Variants in SOX6 observed in about 807,000 individuals in gnomAD.
SOX6 encodes the protein SRY-box transcription factor 6.
In SOX6, 11 loss-of-function variants were observed where a neutral mutation model predicts 97.8. The observed-to-expected ratio is 0.11, with a 90% CI of 0.07 to 0.19. SOX6 has a LOEUF of 0.19. Among genes scored for constraint, SOX6 ranks in the 10% least tolerant of loss-of-function variants. SOX6 has a pLI of 1.00. For missense variants in SOX6, 810 were observed against 1,039.5 expected (o/e 0.78, Z 3.04); for synonymous variants, 360 against 371.4 (o/e 0.97, Z 0.35).
chr11:16,015,444 G>A (rs1854855993), intron 12 of SOX6: 1 of 206,946 alleles, frequency 4.8e-6, no homozygotes, highest in South Asian at 8.4e-5. Context: ...TTCTCATTTA[G>A]AGATCATAGT....
At chr11:16,704,699 T>C (rs1848118903) in intron 3 of SOX6, among the ~76,000 whole-genome samples, 1 of 152,214 alleles carries the variant, frequency 6.6e-6, no homozygotes, top group African/African-American at 2.4e-5. Context: ...TTCAATTTTA[T>C]AAAATAATTA....
intron 4 of SOX6, among the ~76,000 whole-genome samples, chr11:16,547,331 A>T (rs1049622282): frequency 1.3e-5 from 2 of 152,184 alleles, no homozygotes; most frequent in East Asian, 1.9e-4. Context: ...CTGCAGCACT[A>T]TTCACAATTG....
intron 6 of SOX6, among the ~76,000 whole-genome samples, chr11:16,177,748 A>G (rs988313018): frequency 3.3e-5 from 5 of 151,798 alleles, no homozygotes; most frequent in Non-Finnish European, 7.4e-5. Flanking sequence ...TCAAGGAAAA[A>G]AAAAATAGAA....
At chr11:16,422,886 C>T (rs187813013) in intron 1 of SOX6, among the ~76,000 whole-genome samples, 185 of 152,288 alleles carry the variant, frequency 1.2e-3, no homozygotes, top group Non-Finnish European at 2.2e-3. Flanking sequence ...TCCAAGCCAT[C>T]ATCATCTCTC....
chr11:16,713,056 T>C (rs180853668), intron 3 of SOX6, among the ~76,000 whole-genome samples: 11 of 152,318 alleles, frequency 7.2e-5, no homozygotes, highest in African/African-American at 2.2e-4. Flanking sequence ...ACAAGTGATT[T>C]GCCCAAGGTG....
intron 3 of SOX6, among the ~76,000 whole-genome samples, chr11:16,651,602 T>C (rs1021723630): frequency 3.9e-5 from 6 of 152,050 alleles, no homozygotes; most frequent in African/African-American, 7.2e-5. Context: ...CTCAGCAAAA[T>C]TGGCATAGAA....
intron 9 of SOX6, among the ~76,000 whole-genome samples, chr11:16,057,863 G>C (rs765164756): frequency 3.3e-5 from 5 of 152,002 alleles, no homozygotes; most frequent in Non-Finnish European, 7.4e-5. Context: ...ACACTATTTT[G>C]CTTCCTGATA....
intron 4 of SOX6, among the ~76,000 whole-genome samples, chr11:16,565,584 T>A: frequency 6.6e-6 from 1 of 151,750 alleles, no homozygotes; most frequent in African/African-American, 2.4e-5. Flanking sequence ...CATAACACAC[T>A]CTCTTCTTGA....
chr11:16,687,578 C>G (rs1394712142), intron 3 of SOX6, among the ~76,000 whole-genome samples: 1 of 152,204 alleles, frequency 6.6e-6, no homozygotes, highest in Non-Finnish European at 1.5e-5. Flanking sequence ...TGCCACTATG[C>G]CCGGCCTGAA....
rs564580802 is a variant in SOX6, at chr11:15,967,049, T to A, written c.*5760A>T. ...TTTACACTGGACTGTACAAGATTTT[T>A]TTTTGATAAACTATTTACATTTTCA... On this transcript the variant is annotated 3_prime_UTR_variant, in exon 16 of 16. Transcript: ENST00000683767. The A allele has an allele frequency of 6.6e-6, 1 of 152,342 alleles. No homozygotes were observed. The highest frequency in any genetic ancestry group is 2.1e-4 in the South Asian group (1 of 4,832). 9.4% of individuals were successfully genotyped at this position (152,342 alleles called of 1,614,324 possible).
At chr11:16,070,986 C>A in intron 9 of SOX6, among the ~76,000 whole-genome samples, 1 of 152,244 alleles carries the variant, frequency 6.6e-6, no homozygotes, top group East Asian at 1.9e-4. Flanking sequence ...ACAGAGGTCA[C>A]AGTTGTGGTG....
chr11:16,466,863 G>A (rs1223149167), intron 1 of SOX6, among the ~76,000 whole-genome samples: 2 of 145,892 alleles, frequency 1.4e-5, no homozygotes, highest in African/African-American at 2.5e-5. Flanking sequence ...CCCGGGAGGC[G>A]GAGCTTGCAG....
chr11:16,424,066 A>G (rs1483633662), intron 1 of SOX6, among the ~76,000 whole-genome samples: 1 of 152,200 alleles, frequency 6.6e-6, no homozygotes, highest in Non-Finnish European at 1.5e-5. Context: ...GGCAATCTCT[A>G]GTAATCTGGA....
chr11:16,676,896 T>C (rs1034830895), intron 3 of SOX6, among the ~76,000 whole-genome samples: 3 of 152,028 alleles, frequency 2.0e-5, no homozygotes, highest in Admixed American at 6.6e-5. Flanking sequence ...TTTTTTTTTT[T>C]AGTATGCACT....
intron 1 of SOX6, among the ~76,000 whole-genome samples, chr11:16,374,237 T>C (rs73429701): frequency 2.6e-5 from 4 of 151,972 alleles, no homozygotes; most frequent in Non-Finnish European, 5.9e-5. Context: ...CATGGAAGTA[T>C]ACCCAAAAAA....
intron 12 of SOX6, among the ~76,000 whole-genome samples, chr11:16,033,372 G>C (rs1344554620): frequency 6.6e-6 from 1 of 152,122 alleles, no homozygotes; most frequent in Non-Finnish European, 1.5e-5. Context: ...GGCATACCTA[G>C]TAATACACAT....
At chr11:16,108,398 T>C (rs1177526379) in intron 7 of SOX6, among the ~76,000 whole-genome samples, 1 of 152,170 alleles carries the variant, frequency 6.6e-6, no homozygotes, top group Non-Finnish European at 1.5e-5. Context: ...TACTCATCGT[T>C]TCTGTTTTTC....
At chr11:16,430,544 T>G (rs1260228990) in intron 1 of SOX6, among the ~76,000 whole-genome samples, 8 of 152,088 alleles carry the variant, frequency 5.3e-5, no homozygotes, top group African/African-American at 1.9e-4. Context: ...GGATTAGTGC[T>G]CTCATAAAAA....
intron 6 of SOX6, among the ~76,000 whole-genome samples, chr11:16,120,581 T>TATATATATATATATATATAC (rs140473523): frequency 6.7e-6 from 1 of 149,630 alleles, no homozygotes; most frequent in East Asian, 2.0e-4. Context: ...TATATATATA[T>TATATATATATATATATATAC]ACACACACTT....
Sources: gnomAD v4.1 joint callset for allele counts (sites outside exome capture counted in the v4.1 genomes callset) on GRCh38, gnomAD v4.1.1 for gene constraint, MANE v1.5 for transcripts, NCBI Gene and HGNC (gene_info 2026-07-23, HGNC 2026-07-21) for gene names.